Variants in COL13A1 observed in about 807,000 individuals in gnomAD.
The protein encoded by COL13A1 is collagen type XIII alpha 1 chain.
Under a neutral mutation model 130.9 loss-of-function variants are expected in COL13A1, and 89 were observed. The ratio of observed to expected loss-of-function variants is 0.68; its 90% CI spans 0.57 to 0.81. The LOEUF (loss-of-function observed/expected upper bound fraction) is 0.81, where lower values mean the gene tolerates loss of function less well. Among genes scored for constraint, COL13A1 ranks in the 30% least tolerant of loss-of-function variants. COL13A1 has a pLI of 0.00. For synonymous variants in COL13A1, 402 were observed against 341.6 expected, an observed-to-expected ratio of 1.18 and a Z score of -1.95; for missense variants, 879 against 934.6, an observed-to-expected ratio of 0.94 and a Z score of 0.78.
At chr10:69,835,305 C>A (rs10998990) in intron 2 of COL13A1, among the ~76,000 whole-genome samples, 1 of 151,944 alleles carries the variant, frequency 6.6e-6, no homozygotes, top group Non-Finnish European at 1.5e-5. Context: ...GGGAAGAGCC[C>A]GCGACCTCTG....
intron 2 of COL13A1, among the ~76,000 whole-genome samples, chr10:69,838,392 A>G (rs967156211): frequency 1.3e-5 from 2 of 152,216 alleles, no homozygotes; most frequent in African/African-American, 4.8e-5. Flanking sequence ...AAGTGACTTG[A>G]CATCTCTGAG....
intron 1 of COL13A1, among the ~76,000 whole-genome samples, chr10:69,803,205 G>C (rs1472817631): frequency 2.0e-5 from 3 of 152,244 alleles, no homozygotes; most frequent in African/African-American, 7.2e-5. Context: ...CTTGCAGGGG[G>C]TGGTGCCCTG....
At chr10:69,941,601 A>G (rs961445039) in intron 35 of COL13A1, among the ~76,000 whole-genome samples, 1 of 152,180 alleles carries the variant, frequency 6.6e-6, no homozygotes, top group African/African-American at 2.4e-5. Flanking sequence ...TGCACTGCCT[A>G]TGACAGCACA....
intron 2 of COL13A1, among the ~76,000 whole-genome samples, chr10:69,855,868 G>A (rs560438107): frequency 8.9e-5 from 13 of 146,762 alleles, no homozygotes; most frequent in Non-Finnish European, 7.6e-5. Context: ...TAACTCTCAC[G>A]TACAAGTTCA....
At chr10:69,922,821 G>A in intron 23 of COL13A1, 27 bp downstream of exon 23, 1 of 1,501,696 alleles carries the variant, frequency 6.7e-7, no homozygotes. Context: ...ATTGGTGTTG[G>A]GGAGGTGCTT....
chr10:69,877,750 CGTGCCT>C, intron 5 of COL13A1: 1 of 351,606 alleles, frequency 2.8e-6, no homozygotes, highest in Admixed American at 4.0e-5. Context: ...CACACACGTA[CGTGCCT>C]CAAGAGGGCC....
chr10:69,828,801 C>T (rs779100920), intron 2 of COL13A1, among the ~76,000 whole-genome samples: 16 of 152,210 alleles, frequency 1.1e-4, no homozygotes, highest in Non-Finnish European at 2.1e-4. Flanking sequence ...CCCACTGGGA[C>T]AAGTAATTTG....
chr10:69,805,189 T>C (rs1453555371), intron 1 of COL13A1, among the ~76,000 whole-genome samples: 1 of 152,000 alleles, frequency 6.6e-6, no homozygotes, highest in Admixed American at 6.5e-5. Flanking sequence ...ATAAGAGTAA[T>C]GGGGAGCCAT....
chr10:69,891,798 C>T (rs1287250668), intron 10 of COL13A1, among the ~76,000 whole-genome samples: 3 of 152,326 alleles, frequency 2.0e-5, no homozygotes, highest in Non-Finnish European at 2.9e-5. Flanking sequence ...CTCTGTCATC[C>T]TCATAACAGC....
chr10:69,869,958 T>G (rs1216598761), intron 3 of COL13A1, among the ~76,000 whole-genome samples: 1 of 152,344 alleles, frequency 6.6e-6, no homozygotes, highest in Middle Eastern at 3.4e-3. Context: ...GACACTGTTA[T>G]GTTTTTATGG....
chr10:69,912,301 C>A (rs891081580), intron 17 of COL13A1, among the ~76,000 whole-genome samples: 15 of 152,194 alleles, frequency 9.9e-5, no homozygotes, highest in Non-Finnish European at 8.8e-5. Context: ...CACCCGACCC[C>A]GGTAATTCCC....
intron 13 of COL13A1, among the ~76,000 whole-genome samples, chr10:69,898,093 G>C (rs560755535): frequency 6.6e-6 from 1 of 152,100 alleles, no homozygotes; most frequent in African/African-American, 2.4e-5. Context: ...CTCAAACCCC[G>C]GGGAACTGGG....
rs777001080 is a variant in COL13A1 at position 69,902,795 on chromosome 10, C to T, written c.798C>T (p.Gly266=). 1.8e-5 allele frequency: 28 copies of T among 1,551,462 alleles called. No homozygotes were observed. The highest frequency in any genetic ancestry group is 2.4e-5 in the Non-Finnish European group (28 of 1,147,058). ...ASIQGPPGPP[G]PPGPSGPLGH... ...TCCAAGGTCCACCAGGGCCCCCAGG[C>T]CCCCCTGGACCAAGTGGACCTCTGG... The change falls in exon 15 of 41, where the codon GGC becomes GGT. Residue 266 remains glycine (G), a synonymous_variant. Transcript: ENST00000645393.
At chr10:69,858,873 T>G (rs1184942955) in intron 2 of COL13A1, among the ~76,000 whole-genome samples, 4 of 152,256 alleles carry the variant, frequency 2.6e-5, no homozygotes, top group Non-Finnish European at 2.9e-5. Context: ...CCAAAGGCTC[T>G]GCCAATTTAC....
chr10:69,835,437 A>G (rs1430935369), intron 2 of COL13A1, among the ~76,000 whole-genome samples: 1 of 152,038 alleles, frequency 6.6e-6, no homozygotes, highest in Admixed American at 6.5e-5. Flanking sequence ...CACTCTTGTC[A>G]TAACCCAGCC....
intron 1 of COL13A1, among the ~76,000 whole-genome samples, chr10:69,804,124 C>T (rs116918582): frequency 1.6e-3 from 239 of 152,238 alleles, no homozygotes; most frequent in East Asian, 0.014. Context: ...GTCCATGGTT[C>T]CCTGGGCCTG....
rs2071334347 is a variant in COL13A1 at position 69,958,988 on chromosome 10, TGGTGCCAAAG to T, written c.*290_*299del. On this transcript the variant is annotated 3_prime_UTR_variant, in exon 41 of 41. Coordinates refer to ENST00000645393, the MANE Select transcript of COL13A1 (RefSeq NM_001368882.1). Reference sequence around the variant, plus strand: ...CGAAGCTTAATAAATTATTGTGTCCTGGTGCCAAAGGGGGCCAGCCAGAACTGAGGTGCTG... The same window carrying T: ...CGAAGCTTAATAAATTATTGTGTCCTGGGGCCAGCCAGAACTGAGGTGCTG... 2.4e-6 allele frequency: 1 copy of T among 409,694 alleles called. No individual in the cohort carries two copies. Among genetic ancestry groups the T allele is most frequent in the African/African-American group, 2.1e-5 (1 of 48,528 alleles). The allele number at this position is 409,694 out of a possible 1,614,324, so 25.4% of individuals were successfully genotyped here.
At chr10:69,930,825 A>G (rs2066016649) in intron 30 of COL13A1, among the ~76,000 whole-genome samples, 1 of 152,206 alleles carries the variant, frequency 6.6e-6, no homozygotes, top group South Asian at 2.1e-4. Context: ...CCTCATCTCT[A>G]AACTGGCGAT....
At position 69,914,443 on chromosome 10, in the gene COL13A1, C is replaced by G. The variant is rs941038439; in HGVS notation, c.922-2846C>G. On this transcript the variant is annotated intron_variant, in intron 17 of 40. Coordinates refer to ENST00000645393, the MANE Select transcript of COL13A1 (RefSeq NM_001368882.1). ...GTGGATGGGAGGTATCTGATCTAAC[C>G]GCACTTTGCAACCAAGAACCCTGGA... 3.9e-5 allele frequency among the ~76,000 whole-genome samples: 6 copies of G among 152,286 alleles called. No homozygotes were observed. In the East Asian group the frequency reaches 1.2e-3, roughly 29 times the overall value.
Sources: allele counts gnomAD v4.1 joint callset (sites outside exome capture counted in the v4.1 genomes callset), GRCh38; gene constraint gnomAD v4.1.1; transcripts MANE v1.5; gene names NCBI Gene and HGNC (gene_info 2026-07-23, HGNC 2026-07-21).